The following CHM variants were observed in gnomAD, a reference collection of about 807,000 sequenced individuals.
CHM encodes CHM Rab escort protein.
CHM carries 10 observed loss-of-function variants against 49.0 expected under a neutral mutation model. The observed-to-expected ratio is 0.20, with a 90% confidence interval of 0.13 to 0.35. The LOEUF (loss-of-function observed/expected upper bound fraction) is 0.35, where lower values mean the gene tolerates loss of function less well. CHM is among the 10% of genes least tolerant of loss of function. The probability of loss-of-function intolerance (pLI) is 1.00; values close to 1 mark genes in which losing one functional copy is unlikely to be tolerated. For synonymous variants in CHM, 184 were observed against 167.5 expected, an observed-to-expected ratio of 1.10 and a Z score of -0.76; for missense variants, 455 against 478.4, an observed-to-expected ratio of 0.95 and a Z score of 0.46.
intron 2 of CHM, among the ~76,000 whole-genome samples, chrX:86,007,295 A>G (rs1932881863): frequency 1.8e-5 from 2 of 112,090 alleles, no homozygotes; most frequent in Admixed American, 1.9e-4. Context: ...TAGACCTAAA[A>G]CCATAAAAAC....
At chrX:85,942,406 T>C (rs1183541988) in intron 8 of CHM, among the ~76,000 whole-genome samples, 25 of 110,655 alleles carry the variant, frequency 2.3e-4, no homozygotes, top group African/African-American at 8.2e-4. Context: ...CTAACAACGG[T>C]TCTCAATCCT....
intron 8 of CHM, among the ~76,000 whole-genome samples, chrX:85,936,131 G>C (rs1928766998): frequency 8.9e-6 from 1 of 111,809 alleles, no homozygotes. Context: ...AGAACTATGG[G>C]AGAGATGAAG....
At chrX:85,895,301 A>AT (rs762567120) in intron 11 of CHM, among the ~76,000 whole-genome samples, 1,096 of 96,232 alleles carry the variant, frequency 0.011, 10 homozygotes, top group Admixed American at 0.033. Context: ...ACACCTGGCT[A>AT]TTTTTTTTTT....
At chrX:85,952,105 G>A (rs754015189) in intron 8 of CHM, among the ~76,000 whole-genome samples, 1 of 111,963 alleles carries the variant, frequency 8.9e-6, no homozygotes, top group African/African-American at 3.2e-5. Flanking sequence ...AAAGTGCTCT[G>A]GAGTTCTAGG....
intron 5 of CHM, among the ~76,000 whole-genome samples, chrX:85,959,437 T>C (rs779455692): frequency 1.8e-5 from 2 of 111,084 alleles, no homozygotes; most frequent in South Asian, 7.5e-4. Flanking sequence ...TGGATAAGAA[T>C]CTATAGTCTT....
intron 2 of CHM, among the ~76,000 whole-genome samples, chrX:86,019,183 T>C (rs963732670): frequency 6.3e-5 from 7 of 111,231 alleles, no homozygotes; most frequent in African/African-American, 2.3e-4. Flanking sequence ...TAAAAGTCAA[T>C]AAAGATGTTG....
chrX:85,931,793 G>A (rs746213577), intron 8 of CHM, among the ~76,000 whole-genome samples: 2 of 111,771 alleles, frequency 1.8e-5, no homozygotes, highest in African/African-American at 3.2e-5. Context: ...ATGTGAAAAC[G>A]CATCCACCAT....
chrX:86,037,990 CA>C (rs1934315164), intron 1 of CHM, among the ~76,000 whole-genome samples: 1 of 111,321 alleles, frequency 9.0e-6, no homozygotes, highest in Admixed American at 9.5e-5. Flanking sequence ...AAAAAAGACA[CA>C]AAATGGCAAA....
intron 4 of CHM, among the ~76,000 whole-genome samples, chrX:85,976,755 C>T (rs768914486): frequency 3.6e-5 from 4 of 110,785 alleles, no homozygotes; most frequent in South Asian, 7.8e-4. Flanking sequence ...CTCAGTATCA[C>T]ATAGCAAGTC....
rs998932123 is a variant in CHM at position 85,894,161 on chromosome X, T to A, written c.1510+27A>T. 3 of 1,128,144 alleles carry A rather than the reference T, an allele frequency of 2.7e-6. No individual in the cohort carries two copies. In the Admixed American group the frequency reaches 6.5e-5, roughly 25 times the overall value. 93.0% of individuals were successfully genotyped at this position (1,128,144 alleles called of 1,213,427 possible). On this transcript the variant is annotated intron_variant, in intron 12 of 14. Transcript: ENST00000357749. Reference sequence around the variant, plus strand: ...CTTTACCCCCTAAACAAACACAAAATACAAATAACCACTCTACTATGCTTA... The same window carrying A: ...CTTTACCCCCTAAACAAACACAAAAAACAAATAACCACTCTACTATGCTTA...
chrX:86,027,641 T>A (rs926088713), intron 1 of CHM, 84 bp from the exon 2 acceptor site: 1 of 797,432 alleles, frequency 1.3e-6, no homozygotes, highest in African/African-American at 2.1e-5. Context: ...CATTGCTGTA[T>A]AGAACAGTTT....
At chrX:85,924,453 C>G (rs1052045294) in intron 8 of CHM, among the ~76,000 whole-genome samples, 2 of 111,744 alleles carry the variant, frequency 1.8e-5, no homozygotes, top group Non-Finnish European at 3.8e-5. Context: ...ACTGCTCAAG[C>G]CTGGTAGTCT....
At chrX:86,002,629 G>A (rs1302030268) in intron 2 of CHM, among the ~76,000 whole-genome samples, 1 of 112,076 alleles carries the variant, frequency 8.9e-6, no homozygotes, top group East Asian at 2.8e-4. Flanking sequence ...CAAGGGGTCG[G>A]GGTATTTCCC....
intron 2 of CHM, among the ~76,000 whole-genome samples, chrX:86,012,115 T>C (rs181727393): frequency 1.8e-5 from 2 of 111,602 alleles, no homozygotes; most frequent in East Asian, 5.6e-4. Context: ...CAAAAGGAAA[T>C]GCAAAACCAC....
intron 8 of CHM, among the ~76,000 whole-genome samples, chrX:85,920,122 G>A (rs1222358082): frequency 2.8e-5 from 3 of 108,330 alleles, no homozygotes; most frequent in Admixed American, 2.0e-4. Context: ...TTGAGATGGA[G>A]TCTCGCTCTG....
intron 13 of CHM, among the ~76,000 whole-genome samples, chrX:85,878,038 A>T (rs781746712): frequency 8.9e-6 from 1 of 112,455 alleles, no homozygotes; most frequent in African/African-American, 3.2e-5. Flanking sequence ...TCATTTACAC[A>T]GAAAATATGC....
intron 2 of CHM, among the ~76,000 whole-genome samples, chrX:85,985,512 C>G (rs1931857124): frequency 9.0e-6 from 1 of 110,663 alleles, no homozygotes; most frequent in South Asian, 3.8e-4. Context: ...CCAAGCCAAC[C>G]AGGGACGGAA....
chrX:86,043,640 G>C (rs751030274), intron 1 of CHM, among the ~76,000 whole-genome samples: 2 of 110,598 alleles, frequency 1.8e-5, no homozygotes, highest in African/African-American at 6.6e-5. Context: ...GGGAGGCTGA[G>C]GTTTCAAACT....
chrX:86,036,992 T>C (rs1443251037), intron 1 of CHM, among the ~76,000 whole-genome samples: 2 of 111,530 alleles, frequency 1.8e-5, no homozygotes, highest in African/African-American at 6.5e-5. Context: ...CTGTTTTTTA[T>C]CTAAATGGAG....
Sources: allele counts gnomAD v4.1 joint callset (sites outside exome capture counted in the v4.1 genomes callset), GRCh38; gene constraint gnomAD v4.1.1; transcripts MANE v1.5; gene names NCBI Gene and HGNC (gene_info 2026-07-23, HGNC 2026-07-21).